The following SEM1 variants were observed in gnomAD, a reference collection of about 807,000 sequenced individuals.
The protein encoded by SEM1 is 26S proteasome complex subunit SEM1.
Under a neutral mutation model 12.7 loss-of-function variants are expected in SEM1, and 3 were observed. The observed-to-expected ratio is 0.24, with a 90% CI of 0.11 to 0.61. The LOEUF is 0.61. Ranked by LOEUF, SEM1 falls within the 20% of genes least tolerant of loss-of-function variation. The pLI is 0.88. For synonymous variants in SEM1, 30 were observed against 27.8 expected (o/e 1.08, Z -0.25); for missense variants, 59 against 81.3 (o/e 0.73, Z 1.06).
At chr7:96,686,982 AACAG>A (rs989340292), downstream of SEM1, among the ~76,000 whole-genome samples, 1 of 152,228 alleles carries the variant, frequency 6.6e-6, no homozygotes, top group Non-Finnish European at 1.5e-5. Flanking sequence ...GAAGGATATG[AACAG>A]ACACTTCTCA....
chr7:96,540,890 T>C (rs2115777612), intron 2 of SEM1, among the ~76,000 whole-genome samples: 1 of 152,046 alleles, frequency 6.6e-6, no homozygotes, highest in South Asian at 2.1e-4. Context: ...TCCAGGTGCA[T>C]CCTGGTTGCT....
intron 1 of SEM1, among the ~76,000 whole-genome samples, chr7:96,495,069 C>A (rs1029452565): frequency 6.9e-4 from 96 of 138,582 alleles, no homozygotes; most frequent in African/African-American, 2.5e-3. Flanking sequence ...GAAGAGAGAG[C>A]AAGAGGGAAA....
chr7:96,525,343 T>G (rs1358494261), intron 2 of SEM1, among the ~76,000 whole-genome samples: 1 of 151,936 alleles, frequency 6.6e-6, no homozygotes, highest in Non-Finnish European at 1.5e-5. Context: ...GGGACCCAGC[T>G]GTCTGTGTTT....
At chr7:96,545,388 A>G (rs1037865714) in intron 2 of SEM1, among the ~76,000 whole-genome samples, 1 of 152,054 alleles carries the variant, frequency 6.6e-6, no homozygotes, top group Admixed American at 6.6e-5. Flanking sequence ...CGCCAAAGGA[A>G]TTGAGAGAAG....
At chr7:96,529,059 G>A (rs973468240) in intron 2 of SEM1, among the ~76,000 whole-genome samples, 1 of 152,210 alleles carries the variant, frequency 6.6e-6, no homozygotes. Flanking sequence ...AAAGAATAAA[G>A]TGTATTGGAT....
chr7:96,651,072 GA>G (rs1335662898), intron 2 of SEM1, among the ~76,000 whole-genome samples: 2 of 152,174 alleles, frequency 1.3e-5, no homozygotes, highest in African/African-American at 2.4e-5. Flanking sequence ...ATGTTCTCCA[GA>G]AGAACAGCTT....
intron 2 of SEM1, among the ~76,000 whole-genome samples, chr7:96,662,018 A>G (rs999796322): frequency 1.3e-5 from 2 of 151,592 alleles, no homozygotes; most frequent in Non-Finnish European, 2.9e-5. Context: ...AAAGTCAGCA[A>G]ACAACAGATG....
intron 2 of SEM1, among the ~76,000 whole-genome samples, chr7:96,656,874 TATAC>T (rs1049755775): frequency 2.7e-5 from 3 of 110,310 alleles, no homozygotes; most frequent in African/African-American, 9.5e-5. Flanking sequence ...TATATATATA[TATAC>T]ACACACACAC....
At chr7:96,615,639 T>C (rs1037889765) in intron 2 of SEM1, among the ~76,000 whole-genome samples, 3 of 152,242 alleles carry the variant, frequency 2.0e-5, no homozygotes, top group African/African-American at 7.2e-5. Context: ...GCAGATATCT[T>C]AAATGTGTAT....
chr7:96,490,415 GC>G (rs1802959811), intron 1 of SEM1, among the ~76,000 whole-genome samples: 2 of 152,150 alleles, frequency 1.3e-5, no homozygotes, highest in South Asian at 4.1e-4. Context: ...ACTTCTGAGA[GC>G]TTTTAATGAT....
In SEM1 at chr7:96,580,501, G is replaced by C. The variant is rs534962109; in HGVS notation, c.171-73803C>G. 2.8e-3 allele frequency among the ~76,000 whole-genome samples: 428 copies of C among 151,702 alleles called. 1 individual carries two copies. Among genetic ancestry groups the C allele is most frequent in the African/African-American group, 9.8e-3 (405 of 41,390 alleles). Reference sequence around the variant, plus strand: ...TCTATACCCAGTAATGGGATGGCTGGGTCAAATGGTATTTCCAGTTCTAGA... The same window carrying C: ...TCTATACCCAGTAATGGGATGGCTGCGTCAAATGGTATTTCCAGTTCTAGA... On this transcript the variant is annotated intron_variant and NMD_transcript_variant, in intron 2 of 3. Coordinates refer to the SEM1 transcript ENST00000466986.
intron 2 of SEM1, among the ~76,000 whole-genome samples, chr7:96,667,707 A>G (rs1294151308): frequency 6.6e-6 from 1 of 152,234 alleles, no homozygotes; most frequent in Non-Finnish European, 1.5e-5. Flanking sequence ...AAAAGCCTGG[A>G]TTCAGCTGAA....
chr7:96,688,692 T>C (rs1789835104), downstream of SEM1: 1 of 395,056 alleles, frequency 2.5e-6, no homozygotes, highest in Admixed American at 4.5e-5. Context: ...TATCTATATA[T>C]AATAAGGTTT....
intron 2 of SEM1, among the ~76,000 whole-genome samples, chr7:96,662,115 G>A (rs545939472): frequency 9.2e-5 from 14 of 152,086 alleles, no homozygotes; most frequent in South Asian, 4.2e-4. Context: ...ACACTATGGC[G>A]ATTCCTCAAG....
chr7:96,601,630 G>A (rs1485669690), intron 2 of SEM1, among the ~76,000 whole-genome samples: 1 of 152,176 alleles, frequency 6.6e-6, no homozygotes, highest in African/African-American at 2.4e-5. Context: ...ACTGGATGGT[G>A]TAGGGCCTTA....
chr7:96,590,751 T>C (rs1034243329), intron 2 of SEM1, among the ~76,000 whole-genome samples: 1 of 152,156 alleles, frequency 6.6e-6, no homozygotes, highest in Admixed American at 6.5e-5. Context: ...AGTCTTGTCA[T>C]CTTGTCATTC....
intron 2 of SEM1, among the ~76,000 whole-genome samples, chr7:96,507,043 C>T (rs1390385619): frequency 2.6e-5 from 4 of 151,754 alleles, no homozygotes; most frequent in African/African-American, 9.7e-5. Flanking sequence ...ACCTGTAATA[C>T]TTTATCTCTT....
Position 96,709,668 on chromosome 7 carries a change from A to C in SEM1, c.76+20T>G, listed in dbSNP as rs145425480. The C allele has an allele frequency of 1.0e-3, 1,690 of 1,612,110 alleles. 17 individuals carry two copies. The African/African-American group carries it at 0.02, about 19-fold the overall frequency. On this transcript the variant is annotated intron_variant, in intron 1 of 2. Coordinates refer to ENST00000248566, the MANE Select transcript of SEM1 (RefSeq NM_006304.2). Reference sequence around the variant, plus strand: ...TGAGTCACCGTTCGCGCGACACAGAAACCGGGGCCCAGCGGTTACCTTCGG... The same window carrying C: ...TGAGTCACCGTTCGCGCGACACAGACACCGGGGCCCAGCGGTTACCTTCGG...
intron 2 of SEM1, among the ~76,000 whole-genome samples, chr7:96,647,724 AAAC>A (rs1266137764): frequency 6.6e-6 from 1 of 152,340 alleles, no homozygotes; most frequent in African/African-American, 2.4e-5. Flanking sequence ...CTTTTGCATA[AAAC>A]AACAAGTCTT....
Sources: allele counts gnomAD v4.1 joint callset (sites outside exome capture counted in the v4.1 genomes callset), GRCh38; gene constraint gnomAD v4.1.1; transcripts MANE v1.5; gene names NCBI Gene and HGNC (gene_info 2026-07-23, HGNC 2026-07-21).